ADGRL2: variants seen among roughly 807,000 people sequenced by gnomAD.
The protein encoded by ADGRL2 is adhesion G protein-coupled receptor L2.
A neutral mutation model predicts 157.4 loss-of-function variants in ADGRL2; 44 were observed. The observed-to-expected ratio is 0.28, with a 90% confidence interval of 0.22 to 0.36. The LOEUF (loss-of-function observed/expected upper bound fraction) is 0.36, where lower values mean the gene tolerates loss of function less well. Ranked by LOEUF, ADGRL2 falls within the 10% of genes least tolerant of loss-of-function variation. The pLI, the probability that ADGRL2 is intolerant of heterozygous loss-of-function variation, is 1.00. For synonymous variants in ADGRL2, 585 were observed against 624.7 expected (o/e 0.94, Z 0.95); for missense variants, 1,510 against 1,768.9 (o/e 0.85, Z 2.63).
chr1:81,357,218 C>T, intron 1 of ADGRL2, among the ~76,000 whole-genome samples: 1 of 152,054 alleles, frequency 6.6e-6, no homozygotes, highest in Non-Finnish European at 1.5e-5. Flanking sequence ...CTTTCTCAGG[C>T]CTTGCTCACT....
chr1:81,314,978 C>T (rs1460683804), intron 1 of ADGRL2, among the ~76,000 whole-genome samples: 3 of 152,178 alleles, frequency 2.0e-5, no homozygotes, highest in African/African-American at 7.2e-5. Context: ...GTCTTTGCAA[C>T]TCTTCCAACC....
chr1:81,425,822 A>G (rs1404635163), intron 1 of ADGRL2, among the ~76,000 whole-genome samples: 1 of 152,130 alleles, frequency 6.6e-6, no homozygotes, highest in Non-Finnish European at 1.5e-5. Context: ...ATGGCTGACA[A>G]CCATATAACA....
chr1:81,360,645 T>C (rs553045884), intron 1 of ADGRL2, among the ~76,000 whole-genome samples: 3 of 151,992 alleles, frequency 2.0e-5, no homozygotes, highest in East Asian at 3.9e-4. Flanking sequence ...ACAGGCATCA[T>C]AGCCACCTTT....
At chr1:81,540,989 C>CA (rs2079870286) in intron 2 of ADGRL2, among the ~76,000 whole-genome samples, 1 of 152,056 alleles carries the variant, frequency 6.6e-6, no homozygotes, top group South Asian at 2.1e-4. Flanking sequence ...TACAATCAAT[C>CA]AATGAACAAT....
intron 1 of ADGRL2, among the ~76,000 whole-genome samples, chr1:81,399,466 A>C (rs12133215): frequency 0.027 from 4,133 of 152,052 alleles, 86 homozygotes; most frequent in Middle Eastern, 0.089. Flanking sequence ...GGCTTTCTTC[A>C]CTACTATTCT....
intron 1 of ADGRL2, among the ~76,000 whole-genome samples, chr1:81,801,883 T>C (rs2088223297): frequency 6.6e-6 from 1 of 152,132 alleles, no homozygotes; most frequent in South Asian, 2.1e-4. Context: ...GATTTTTTTT[T>C]CCTAAGGGAG....
At chr1:81,854,417 C>T (rs2093129725) in intron 2 of ADGRL2, among the ~76,000 whole-genome samples, 1 of 152,156 alleles carries the variant, frequency 6.6e-6, no homozygotes, top group African/African-American at 2.4e-5. Context: ...AAGGCAGCAA[C>T]TTTTGGTGTA....
chr1:81,855,378 T>A (rs1343087662), intron 2 of ADGRL2, among the ~76,000 whole-genome samples: 3 of 152,120 alleles, frequency 2.0e-5, no homozygotes, highest in African/African-American at 4.8e-5. Flanking sequence ...TAGTTCAAGG[T>A]TGCAGTGAGC....
At chr1:81,871,181 G>A (rs1049618711) in intron 2 of ADGRL2, among the ~76,000 whole-genome samples, 14 of 148,774 alleles carry the variant, frequency 9.4e-5, no homozygotes, top group Admixed American at 1.4e-4. Context: ...GAGAACATGC[G>A]GTGTTTGGTT....
intron 1 of ADGRL2, among the ~76,000 whole-genome samples, chr1:81,820,736 G>GA (rs10707483): frequency 9.5e-5 from 14 of 147,264 alleles, no homozygotes; most frequent in East Asian, 2.0e-4. Context: ...CTGTCTGTCT[G>GA]AAAAAAAAAA....
intron 2 of ADGRL2, among the ~76,000 whole-genome samples, chr1:81,450,654 C>T (rs979569598): frequency 2.9e-4 from 44 of 151,962 alleles, no homozygotes; most frequent in African/African-American, 9.2e-4. Flanking sequence ...AGTTTTATTG[C>T]ATGTATGTAC....
At chr1:81,385,880 C>T (rs2076426085) in intron 1 of ADGRL2, among the ~76,000 whole-genome samples, 1 of 151,818 alleles carries the variant, frequency 6.6e-6, no homozygotes. Flanking sequence ...CAAGAAGATC[C>T]CTGAAATAAT....
chr1:81,507,301 A>G (rs1386191413), intron 2 of ADGRL2, among the ~76,000 whole-genome samples: 2 of 152,118 alleles, frequency 1.3e-5, no homozygotes, highest in Non-Finnish European at 2.9e-5. Context: ...GAGACTTAAT[A>G]TTGATAGAAA....
chr1:81,597,781 A>T (rs2081264261), intron 3 of ADGRL2, among the ~76,000 whole-genome samples: 5 of 152,186 alleles, frequency 3.3e-5, no homozygotes, highest in Admixed American at 3.3e-4. Flanking sequence ...ATCTTAAGTC[A>T]AACCACTGTA....
At chr1:81,555,670 T>C (rs1176317144) in intron 2 of ADGRL2, among the ~76,000 whole-genome samples, 1 of 152,178 alleles carries the variant, frequency 6.6e-6, no homozygotes, top group African/African-American at 2.4e-5. Flanking sequence ...AGGTGTCACA[T>C]GCTCTTTGTG....
chr1:81,781,686 C>A (rs185413723), intron 2 of ADGRL2, among the ~76,000 whole-genome samples: 1 of 152,286 alleles, frequency 6.6e-6, no homozygotes, highest in East Asian at 1.9e-4. Flanking sequence ...GAACTTGGAT[C>A]CAGGTGACCA....
At chr1:81,686,977 TG>T (rs2148975163) in intron 3 of ADGRL2, among the ~76,000 whole-genome samples, 1 of 152,366 alleles carries the variant, frequency 6.6e-6, no homozygotes, top group South Asian at 2.1e-4. Flanking sequence ...CCAGTTTTAT[TG>T]CACTGTAGTC....
chr1:81,620,742 A>G (rs2081771830), intron 3 of ADGRL2, among the ~76,000 whole-genome samples: 1 of 152,224 alleles, frequency 6.6e-6, no homozygotes, highest in Admixed American at 6.5e-5. Flanking sequence ...AAAATCCAAA[A>G]CATATGAAAG....
chr1:81,808,163 G>T (rs1571336851), intron 1 of ADGRL2, among the ~76,000 whole-genome samples: 1 of 151,964 alleles, frequency 6.6e-6, no homozygotes, highest in South Asian at 2.1e-4. Flanking sequence ...GTTTTATGAA[G>T]TAATATAGTT....
Sources: gnomAD v4.1 joint callset for allele counts (sites outside exome capture counted in the v4.1 genomes callset) on GRCh38, gnomAD v4.1.1 for gene constraint, MANE v1.5 for transcripts, NCBI Gene and HGNC (gene_info 2026-07-23, HGNC 2026-07-21) for gene names.